SCML1: variants seen among roughly 807,000 people sequenced by gnomAD.
SCML1 encodes the protein sex comb on midleg-like protein 1.
For missense variants in SCML1, 137 were observed against 258.1 expected (o/e 0.53, Z 3.22); for synonymous variants, 104 against 103.6 (o/e 1.00, Z -0.02).
chrX:17,750,195 C>T lies in SCML1; in HGVS notation c.605C>T (p.Thr202Met), dbSNP rs137929609. The T allele has an allele frequency of 8.3e-5, 100 of 1,210,075 alleles. No homozygotes were observed. In the African/African-American group the frequency reaches 1.5e-3, roughly 18 times the overall value. Residue 202 changes from threonine to methionine, a missense_variant, in exon 6 of 8, where the codon ACG becomes ATG. By Grantham distance (81) the Thr-to-Met change is moderately conservative. Transcript: ENST00000380041. ...CQPYYASDGA[T>M]YGSSSGLCLG... ...CCGTATTATGCATCTGATGGTGCAA[C>T]GTATGGTTCTTCTTCAGGGCTCTGC...
chrX:17,742,053 C>G (rs774611245), intron 1 of SCML1, among the ~76,000 whole-genome samples: 1 of 111,686 alleles, frequency 9.0e-6, no homozygotes, highest in South Asian at 3.7e-4. Flanking sequence ...CAAAACAACT[C>G]AAGAAAAAGT....
chrX:17,742,206 A>T (rs942491427), intron 1 of SCML1, among the ~76,000 whole-genome samples: 10 of 111,798 alleles, frequency 8.9e-5, no homozygotes, highest in Non-Finnish European at 1.5e-4. Flanking sequence ...ATAGAAAGAG[A>T]TGAAAGGCTT....
At chrX:17,746,615 T>A (rs946664979) in intron 4 of SCML1, among the ~76,000 whole-genome samples, 1 of 112,374 alleles carries the variant, frequency 8.9e-6, no homozygotes, top group Non-Finnish European at 1.9e-5. Flanking sequence ...ATATATAATG[T>A]TTCTTACCAT....
intron 1 of SCML1, among the ~76,000 whole-genome samples, chrX:17,741,062 C>A (rs2066590484): frequency 1.8e-5 from 2 of 111,982 alleles, no homozygotes; most frequent in African/African-American, 6.5e-5. Flanking sequence ...AAACAGGCTA[C>A]ACAGTAAATA....
At chrX:17,739,801 A>G (rs1333101220) in intron 1 of SCML1, among the ~76,000 whole-genome samples, 4 of 100,159 alleles carry the variant, frequency 4.0e-5, no homozygotes, top group Non-Finnish European at 8.0e-5. Context: ...GTAAGCCGAG[A>G]TCATGCCACT....
chrX:17,749,745 G>A (rs2066687257), intron 5 of SCML1, 149 bp from the exon 6 acceptor site: 2 of 554,683 alleles, frequency 3.6e-6, no homozygotes, highest in South Asian at 3.4e-5. Context: ...TTAAAATGTA[G>A]GATTGAAGAA....
chrX:17,742,407 C>G (rs1487782981), intron 1 of SCML1, among the ~76,000 whole-genome samples: 1 of 112,089 alleles, frequency 8.9e-6, no homozygotes, highest in East Asian at 2.8e-4. Flanking sequence ...CCCCTCACCC[C>G]AAGAACATTA....
At chrX:17,744,462 A>G (rs1299525966) in intron 2 of SCML1, 5 of 273,055 alleles carry the variant, frequency 1.8e-5, no homozygotes, top group Admixed American at 6.3e-5. Flanking sequence ...AGTTCATGTG[A>G]ATTTAACTCT....
chrX:17,748,350 T>G (rs930213288), intron 4 of SCML1, among the ~76,000 whole-genome samples: 2 of 111,358 alleles, frequency 1.8e-5, no homozygotes, highest in African/African-American at 6.5e-5. Flanking sequence ...ACTACAGGCA[T>G]GCACCACCAC....
chrX:17,753,583 ATAGTAT>A lies in SCML1; in HGVS notation c.*195_*200del. On this transcript the variant is annotated 3_prime_UTR_variant, in exon 8 of 8. Transcript: ENST00000380041. ...CTTTAAAAACCATTTAAACTGCTAG[ATAGTAT>A]TAGAATAGTCCAATAGAAAATTCAT... 1 of 271,777 alleles carries A rather than the reference ATAGTAT, an allele frequency of 3.7e-6. No homozygotes were observed. The highest frequency in any genetic ancestry group is 6.4e-6 in the Non-Finnish European group (1 of 155,289). The allele number at this position is 271,777 out of a possible 1,213,427, so 22.4% of individuals were successfully genotyped here.
At position 17,754,469 on chromosome X, in the gene SCML1, C is replaced by T. The variant is rs150310215; in HGVS notation, c.*1077C>T. The stretch of plus-strand genomic sequence containing the variant: ...TTGGTTTCCATACAGGGAAGTTCTC[C>T]GTCCTATGCAATGTTTCTAATTAAT... On this transcript the variant is annotated 3_prime_UTR_variant, in exon 8 of 8. Coordinates refer to ENST00000380041, the MANE Select transcript of SCML1 (RefSeq NM_001037540.3). 0.021 allele frequency: 2,347 copies of T among 112,112 alleles called. 116 individuals carry two copies. In the East Asian group the frequency reaches 0.24, roughly 11 times the overall value. 9.2% of individuals were successfully genotyped at this position (112,112 alleles called of 1,213,427 possible).
At chrX:17,745,063 A>C (rs2066631093) in intron 2 of SCML1, 1 of 116,814 alleles carries the variant, frequency 8.6e-6, no homozygotes, top group East Asian at 2.7e-4. Flanking sequence ...ATCAAGAAAA[A>C]TAGGTGCTCA....
intron 1 of SCML1, among the ~76,000 whole-genome samples, chrX:17,738,699 C>T (rs1348367316): frequency 9.0e-6 from 1 of 111,444 alleles, no homozygotes. Context: ...AAGCCTTGCG[C>T]CTCCGGAGCG....
chrX:17,753,215 A>G, intron 7 of SCML1, 43 bp from the exon 8 acceptor site: 3 of 1,073,381 alleles, frequency 2.8e-6, no homozygotes, highest in Admixed American at 6.3e-5. Flanking sequence ...TGATGAAAAT[A>G]TGGAAGCATT....
chrX:17,751,787 T>C, intron 6 of SCML1, 28 bp from the exon 7 acceptor site: 1 of 1,200,493 alleles, frequency 8.3e-7, no homozygotes, highest in Non-Finnish European at 1.1e-6. Flanking sequence ...GATTTGTCTT[T>C]TTTTTCTTTT....
intron 1 of SCML1, 172 bp downstream of exon 1, chrX:17,737,852 T>C (rs1396240607): frequency 1.8e-5 from 2 of 111,256 alleles, no homozygotes; most frequent in Non-Finnish European, 3.8e-5. Context: ...GTGCTTTGGG[T>C]GGTCCCCACA....
chrX:17,745,404 T>C, intron 2 of SCML1, 52 bp from the exon 3 acceptor site: 2 of 767,529 alleles, frequency 2.6e-6, no homozygotes, highest in South Asian at 4.6e-5. Flanking sequence ...CAACTTTTCT[T>C]TTAGTTCTGT....
At chrX:17,738,080 TGAGACATA>T (rs2066556638) in intron 1 of SCML1, 1 of 112,847 alleles carries the variant, frequency 8.9e-6, no homozygotes, top group Non-Finnish European at 1.9e-5. Flanking sequence ...CTTTTGCGGT[TGAGACATA>T]GAGTCTGAGG....
intron 6 of SCML1, among the ~76,000 whole-genome samples, chrX:17,750,738 C>T (rs1170713768): frequency 8.9e-6 from 1 of 112,051 alleles, no homozygotes; most frequent in Non-Finnish European, 1.9e-5. Context: ...TTTACCCTTT[C>T]CCTAGATAAA....
Sources: allele counts gnomAD v4.1 joint callset (sites outside exome capture counted in the v4.1 genomes callset), GRCh38; gene constraint gnomAD v4.1.1; transcripts MANE v1.5; gene names NCBI Gene and HGNC (gene_info 2026-07-23, HGNC 2026-07-21).